Variants in TRIM37 observed in about 807,000 individuals in gnomAD.
The protein encoded by TRIM37 is E3 ubiquitin-protein ligase TRIM37.
In TRIM37, 80 loss-of-function variants were observed where a neutral mutation model predicts 129.8. That is an observed-to-expected ratio of 0.62 (90% confidence interval 0.51 to 0.74). The LOEUF (loss-of-function observed/expected upper bound fraction) is 0.74. Ranked by LOEUF, TRIM37 falls within the 30% of genes least tolerant of loss-of-function variation. TRIM37 has a pLI of 0.00. For synonymous variants in TRIM37, 389 were observed against 387.1 expected (o/e 1.00, Z -0.06); for missense variants, 1,054 against 1,176.5 (o/e 0.90, Z 1.52).
At chr17:58,987,445 C>T (rs553769200) in intron 24 of TRIM37, among the ~76,000 whole-genome samples, 2 of 152,246 alleles carry the variant, frequency 1.3e-5, no homozygotes, top group East Asian at 1.9e-4. Flanking sequence ...GCAGGGTCTG[C>T]AGAGCAGGAA....
At chr17:59,095,122 G>A (rs1445856884) in intron 2 of TRIM37, among the ~76,000 whole-genome samples, 1 of 152,118 alleles carries the variant, frequency 6.6e-6, no homozygotes, top group African/African-American at 2.4e-5. Flanking sequence ...GGAGGCTGAG[G>A]TGGGAGGATC....
chr17:59,051,710 AAT>A (rs2040362804), intron 13 of TRIM37, among the ~76,000 whole-genome samples: 2 of 152,194 alleles, frequency 1.3e-5, no homozygotes, highest in African/African-American at 4.8e-5. Context: ...TTCTTCCCTA[AAT>A]GAGGCCCCAG....
chr17:59,036,145 C>G (rs538938472), intron 17 of TRIM37, among the ~76,000 whole-genome samples: 1 of 152,086 alleles, frequency 6.6e-6, no homozygotes, highest in Non-Finnish European at 1.5e-5. Flanking sequence ...CAATAGCTCA[C>G]GCCTATAATC....
At chr17:59,029,648 G>A (rs965335752) in intron 18 of TRIM37, among the ~76,000 whole-genome samples, 5 of 152,100 alleles carry the variant, frequency 3.3e-5, no homozygotes, top group African/African-American at 1.2e-4. Context: ...TATAATCCCA[G>A]CACACTTTGG....
intron 11 of TRIM37, among the ~76,000 whole-genome samples, chr17:59,062,239 A>T (rs2041555926): frequency 6.6e-6 from 1 of 152,246 alleles, no homozygotes; most frequent in Non-Finnish European, 1.5e-5. Flanking sequence ...TTGCATATTG[A>T]AGATACCCAA....
chr17:59,001,469 A>AAAT, intron 23 of TRIM37, 129 bp downstream of exon 23: 1 of 1,067,732 alleles, frequency 9.4e-7, no homozygotes, highest in Non-Finnish European at 1.3e-6. Flanking sequence ...AAAAAAAAAA[A>AAAT]GAAGTAGAAG....
chr17:58,972,747 G>C, the TRIM37 span: 1 of 1,199,538 alleles, frequency 8.3e-7, no homozygotes, highest in Non-Finnish European at 1.2e-6. Flanking sequence ...GAGCTGATGA[G>C]TATTATATCT....
At chr17:59,059,044 A>T (rs544506824) in intron 12 of TRIM37, among the ~76,000 whole-genome samples, 5 of 152,264 alleles carry the variant, frequency 3.3e-5, no homozygotes, top group Admixed American at 3.3e-4. Context: ...TTTGCAAATC[A>T]TATGTCTGAT....
In TRIM37 at chr17:58,998,825, T is replaced by C; in HGVS notation, c.*552A>G. 1 of 990,320 alleles carries C rather than the reference T, an allele frequency of 1.0e-6. No individual in the cohort carries two copies. The highest frequency in any genetic ancestry group is 1.2e-6 in the Non-Finnish European group (1 of 832,802). The allele number at this position is 990,320 out of a possible 1,614,324, so 61.3% of individuals were successfully genotyped here. On this transcript the variant is annotated 3_prime_UTR_variant, in exon 24 of 24. Coordinates refer to ENST00000262294, the MANE Select transcript of TRIM37 (RefSeq NM_015294.6). ...ACTTGAACAAGTGAGAGAAGATACATACTCCAAAAAGGAGATTCAGTCTAG... is the reference window on the plus strand; with the variant it reads ...ACTTGAACAAGTGAGAGAAGATACACACTCCAAAAAGGAGATTCAGTCTAG...
intron 7 of TRIM37, among the ~76,000 whole-genome samples, chr17:59,077,544 G>A (rs1162682676): frequency 6.6e-6 from 1 of 152,090 alleles, no homozygotes; most frequent in African/African-American, 2.4e-5. Flanking sequence ...GGGGGTGGTG[G>A]CTCACGTCTG....
rs756887181 is a variant in TRIM37 at position 59,061,121 on chromosome 17, T to G, written c.943-13A>C. On this transcript the variant is annotated splice_polypyrimidine_tract_variant and intron_variant, in intron 11 of 23. Coordinates refer to ENST00000262294, the MANE Select transcript of TRIM37 (RefSeq NM_015294.6). The stretch of plus-strand genomic sequence containing the variant: ...CTCCATTTCCATCCTAAAAGAAGAA[T>G]AATCAGTTTGAGTGTAAAAAAATTA... The G allele has an allele frequency of 1.2e-6, 2 of 1,611,184 alleles. No individual in the cohort carries two copies. Among genetic ancestry groups the G allele is most frequent in the African/African-American group, 1.3e-5 (1 of 74,820 alleles).
At chr17:59,026,062 ACAG>A (rs2145444544) in intron 19 of TRIM37, among the ~76,000 whole-genome samples, 1 of 152,302 alleles carries the variant, frequency 6.6e-6, no homozygotes, top group East Asian at 1.9e-4. Flanking sequence ...AAACATTAAT[ACAG>A]CCAATTTTAA....
At chr17:58,976,953 A>G in the TRIM37 span, among the ~76,000 whole-genome samples, 13 of 152,314 alleles carry the variant, frequency 8.5e-5, no homozygotes, top group Admixed American at 2.0e-4. Context: ...ACTTTAGTAA[A>G]TTGGTGAAGG....
chr17:59,058,623 C>A (rs1250704618), intron 12 of TRIM37, among the ~76,000 whole-genome samples: 2 of 151,756 alleles, frequency 1.3e-5, no homozygotes, highest in Non-Finnish European at 1.5e-5. Flanking sequence ...TTTAAGAGAC[C>A]GAGGTGGGCA....
intron 16 of TRIM37, among the ~76,000 whole-genome samples, chr17:59,042,443 AAAAAAAAT>A (rs2039319118): frequency 8.0e-5 from 4 of 50,210 alleles, no homozygotes; most frequent in Non-Finnish European, 1.5e-4. Flanking sequence ...AAAAAAAAAA[AAAAAAAAT>A]ATATATATAT....
intron 17 of TRIM37, 47 bp from the exon 18 acceptor site, chr17:59,032,137 T>C: frequency 6.3e-7 from 1 of 1,575,838 alleles, no homozygotes; most frequent in Non-Finnish European, 8.7e-7. Flanking sequence ...CAAACTTAGC[T>C]ATACTTAAAT....
intron 19 of TRIM37, among the ~76,000 whole-genome samples, chr17:59,018,215 A>C (rs980299097): frequency 6.6e-6 from 1 of 152,240 alleles, no homozygotes; most frequent in Non-Finnish European, 1.5e-5. Flanking sequence ...TAGATTCAAA[A>C]GCTAGGAAGA....
downstream of TRIM37, among the ~76,000 whole-genome samples, chr17:58,978,786 T>C (rs1222491147): frequency 1.3e-5 from 2 of 152,250 alleles, no homozygotes; most frequent in African/African-American, 4.8e-5. Context: ...ACCCTTTTGC[T>C]GCACTCTCAC....
chr17:59,012,230 C>CAGCAG (rs11280877), intron 22 of TRIM37, 98 bp downstream of exon 22: 80 of 383,560 alleles, frequency 2.1e-4, no homozygotes, highest in African/African-American at 1.2e-3. Flanking sequence ...AGCAGCAGCA[C>CAGCAG]CACCACCACC....
Sources: allele counts gnomAD v4.1 joint callset (sites outside exome capture counted in the v4.1 genomes callset), GRCh38; gene constraint gnomAD v4.1.1; transcripts MANE v1.5; gene names NCBI Gene and HGNC (gene_info 2026-07-23, HGNC 2026-07-21).